Variants in GAN observed in about 807,000 individuals in gnomAD.
GAN encodes the protein gigaxonin, also known as epididymis secretory sperm binding protein.
GAN carries 48 observed loss-of-function variants against 71.3 expected under a neutral mutation model. The observed-to-expected ratio is 0.67, with a 90% CI of 0.53 to 0.86. GAN has a LOEUF of 0.86. Among genes scored for constraint, GAN ranks in the 40% least tolerant of loss-of-function variants. The pLI is 0.00. For missense variants in GAN, 928 were observed against 770.1 expected (o/e 1.21, Z -2.43); for synonymous variants, 386 against 276.8 (o/e 1.39, Z -3.92).
intron 6 of GAN, among the ~76,000 whole-genome samples, chr16:81,363,094 A>T (rs118187804): frequency 1.3e-5 from 2 of 152,220 alleles, no homozygotes; most frequent in African/African-American, 2.4e-5. Context: ...ATAAATATTC[A>T]TTGACAAACG....
chr16:81,348,082 G>T (rs973102669), intron 1 of GAN, among the ~76,000 whole-genome samples: 1 of 152,072 alleles, frequency 6.6e-6, no homozygotes, highest in Non-Finnish European at 1.5e-5. Context: ...TGAACACCTG[G>T]GCTCAAGCAG....
chr16:81,365,234 G>C (rs1428094737), intron 8 of GAN, 116 bp from the exon 9 acceptor site: 16 of 1,567,252 alleles, frequency 1.0e-5, no homozygotes, highest in Non-Finnish European at 1.4e-5. Context: ...GGCATTTCCT[G>C]AGAAAGGAAG....
At chr16:81,340,841 C>T (rs768214837) in intron 1 of GAN, among the ~76,000 whole-genome samples, 1 of 152,040 alleles carries the variant, frequency 6.6e-6, no homozygotes, top group Non-Finnish European at 1.5e-5. Flanking sequence ...TAACAAACTT[C>T]TCCAAGCTAA....
intron 2 of GAN, among the ~76,000 whole-genome samples, chr16:81,353,478 TACTC>T (rs1219374573): frequency 6.6e-6 from 1 of 152,204 alleles, no homozygotes; most frequent in African/African-American, 2.4e-5. Flanking sequence ...ACTTGTGGCT[TACTC>T]ACCATACTAC....
intron 5 of GAN, among the ~76,000 whole-genome samples, chr16:81,361,962 C>T (rs182903844): frequency 1.3e-3 from 195 of 152,340 alleles, no homozygotes; most frequent in African/African-American, 4.4e-3. Context: ...AGTGCTGAGC[C>T]ACCACCACCC....
intron 9 of GAN, among the ~76,000 whole-genome samples, chr16:81,372,195 T>A (rs927261795): frequency 2.0e-5 from 3 of 152,208 alleles, no homozygotes; most frequent in African/African-American, 7.2e-5. Flanking sequence ...AGAGGGTGCA[T>A]CATTATAGCC....
chr16:81,366,032 G>T (rs374356124), intron 9 of GAN, among the ~76,000 whole-genome samples: 4 of 152,158 alleles, frequency 2.6e-5, no homozygotes, highest in South Asian at 4.1e-4. Context: ...TCGTATTGCT[G>T]CTACTTGCCT....
rs1431042066 is a variant in GAN at position 81,321,841 on chromosome 16, G to A, written c.167+6561G>A. On this transcript the variant is annotated intron_variant, in intron 1 of 10. Transcript: ENST00000648994. Reference sequence around the variant, plus strand: ...GGGTGTGAGATGTGACACGTGGCAGGCTATGGTTGCGACCTTGCATTTGAG... The same window carrying A: ...GGGTGTGAGATGTGACACGTGGCAGACTATGGTTGCGACCTTGCATTTGAG... Among the ~76,000 whole-genome samples the A allele has an allele frequency of 3.3e-5, 5 of 152,288 alleles. No individual in the cohort carries two copies. In the South Asian group the frequency reaches 1.0e-3, roughly 32 times the overall value.
chr16:81,318,617 T>C (rs1250971027), intron 1 of GAN, among the ~76,000 whole-genome samples: 1 of 152,270 alleles, frequency 6.6e-6, no homozygotes, highest in Non-Finnish European at 1.5e-5. Flanking sequence ...TTGTTTGGCA[T>C]ACTTTCTACT....
intron 1 of GAN, among the ~76,000 whole-genome samples, chr16:81,327,088 A>G (rs1259234902): frequency 6.6e-6 from 1 of 152,224 alleles, no homozygotes; most frequent in Non-Finnish European, 1.5e-5. Flanking sequence ...TTTAGATGGC[A>G]TGGTCAGCTC....
In GAN at chr16:81,356,814, G is replaced by A. The variant is rs1378632482; in HGVS notation, c.663G>A (p.Leu221=). The change falls in exon 4 of 11, where the codon CTG becomes CTA. Residue 221 remains leucine (L), a synonymous_variant. Transcript: ENST00000648994. ...KVHMKDVMSA[L]WVSGLDSSYL... Reference sequence around the variant, plus strand: ...ACATGAAGGATGTTATGTCAGCTCTGTGGGTTTCAGGGTTGGACTCCAGTT... The same window carrying A: ...ACATGAAGGATGTTATGTCAGCTCTATGGGTTTCAGGGTTGGACTCCAGTT... The A allele has an allele frequency of 6.2e-7, 1 of 1,613,452 alleles. No homozygotes were observed.
rs1234004496 is a variant in GAN, at chr16:81,386,829, C to T, written c.*9233C>T. The T allele has an allele frequency of 2.0e-5, 3 of 152,248 alleles. No individual in the cohort carries two copies. The highest frequency in any genetic ancestry group is 2.9e-5 in the Non-Finnish European group (2 of 68,108). 9.4% of individuals were successfully genotyped at this position (152,248 alleles called of 1,614,324 possible). A position where few individuals can be genotyped will look rare whatever the true frequency, so the allele number is the denominator to read the frequency against. The stretch of plus-strand genomic sequence containing the variant: ...GGCATGGTGGCACATGTCTGTAATC[C>T]CAGCTACTCGGGAGGCTGAGGCAGG... On this transcript the variant is annotated 3_prime_UTR_variant, in exon 11 of 11. Coordinates refer to ENST00000648994, the MANE Select transcript of GAN (RefSeq NM_022041.4).
At position 81,377,980 on chromosome 16, in the gene GAN, A is replaced by G. The variant is rs1171580003; in HGVS notation, c.*384A>G. 1 of 289,314 alleles carries G rather than the reference A, an allele frequency of 3.5e-6. No individual in the cohort carries two copies. The highest frequency in any genetic ancestry group is 8.2e-5 in the East Asian group (1 of 12,148). 17.9% of individuals were successfully genotyped at this position (289,314 alleles called of 1,614,324 possible). A position where few individuals can be genotyped will look rare whatever the true frequency, so the allele number is the denominator to read the frequency against. On this transcript the variant is annotated 3_prime_UTR_variant, in exon 11 of 11. Coordinates refer to ENST00000648994, the MANE Select transcript of GAN (RefSeq NM_022041.4). ...TGTATTCAAATACGTAGCTTTGGTAACAAACAAAATCCGTATATGCAAATC... is the reference window on the plus strand; with the variant it reads ...TGTATTCAAATACGTAGCTTTGGTAGCAAACAAAATCCGTATATGCAAATC...
At chr16:81,364,482 G>A (rs1910783824) in intron 7 of GAN, among the ~76,000 whole-genome samples, 1 of 152,078 alleles carries the variant, frequency 6.6e-6, no homozygotes, top group Admixed American at 6.5e-5. Context: ...GCCCCGGCTG[G>A]TCTTGAACTC....
intron 9 of GAN, among the ~76,000 whole-genome samples, chr16:81,373,308 A>G (rs1911092145): frequency 6.6e-6 from 1 of 152,192 alleles, no homozygotes; most frequent in Non-Finnish European, 1.5e-5. Context: ...TGCATTCCCA[A>G]GGTCCTCCTG....
chr16:81,363,396 T>A (rs1201303304), intron 6 of GAN, among the ~76,000 whole-genome samples: 1 of 152,194 alleles, frequency 6.6e-6, no homozygotes, highest in African/African-American at 2.4e-5. Context: ...GAGTGGGCTG[T>A]TAGGGAAGCC....
intron 9 of GAN, among the ~76,000 whole-genome samples, chr16:81,376,845 C>T (rs1297462239): frequency 6.6e-6 from 1 of 151,938 alleles, no homozygotes; most frequent in Non-Finnish European, 1.5e-5. Flanking sequence ...CCACTGCACT[C>T]GGGAGGCCCT....
At chr16:81,363,453 A>G (rs1387471668) in intron 6 of GAN, among the ~76,000 whole-genome samples, 1 of 148,338 alleles carries the variant, frequency 6.7e-6, no homozygotes, top group African/African-American at 2.5e-5. Context: ...TGAACGTGGT[A>G]CTTCCATGCT....
At position 81,383,475 on chromosome 16, in the gene GAN, A is replaced by G. The variant is rs574807280; in HGVS notation, c.*5879A>G. 6.6e-6 allele frequency: 1 copy of G among 150,420 alleles called. No individual in the cohort carries two copies. The highest frequency in any genetic ancestry group is 2.0e-4 in the East Asian group (1 of 5,124). The allele number at this position is 150,420 out of a possible 1,614,324, so 9.3% of individuals were successfully genotyped here. A position where few individuals can be genotyped will look rare whatever the true frequency, so the allele number is the denominator to read the frequency against. On this transcript the variant is annotated 3_prime_UTR_variant, in exon 11 of 11. Coordinates refer to ENST00000648994, the MANE Select transcript of GAN (RefSeq NM_022041.4). Reference sequence around the variant, plus strand: ...CACCATGTTAGCCAGCATGGTCTCGATCTCCTAAACTTCGTGATCCGCCCG... The same window carrying G: ...CACCATGTTAGCCAGCATGGTCTCGGTCTCCTAAACTTCGTGATCCGCCCG...
Sources: allele counts gnomAD v4.1 joint callset (sites outside exome capture counted in the v4.1 genomes callset), GRCh38; gene constraint gnomAD v4.1.1; transcripts MANE v1.5; gene names NCBI Gene and HGNC (gene_info 2026-07-23, HGNC 2026-07-21).